The following RFTN1 variants were observed in gnomAD, a reference collection of about 807,000 sequenced individuals.
RFTN1 encodes the protein raftlin.
RFTN1 carries 26 observed loss-of-function variants against 46.5 expected under a neutral mutation model. The observed-to-expected ratio is 0.56, with a 90% confidence interval of 0.41 to 0.78. The LOEUF is 0.78. Ranked by LOEUF, RFTN1 falls within the 30% of genes least tolerant of loss-of-function variation. The pLI is 0.00. For missense variants in RFTN1, 693 were observed against 718.7 expected, an observed-to-expected ratio of 0.96 and a Z score of 0.41; for synonymous variants, 261 against 284.2, an observed-to-expected ratio of 0.92 and a Z score of 0.82.
rs1240574693 is a variant in RFTN1 at position 16,443,656 on chromosome 3, C to CG, written c.146-9620_146-9619insC. 6.6e-6 allele frequency among the ~76,000 whole-genome samples: 1 copy of CG among 152,064 alleles called. No individual in the cohort carries two copies. The highest frequency in any genetic ancestry group is 1.5e-5 in the Non-Finnish European group (1 of 68,018). ...GGACCACAAATGACTGTTAAAGCAT[C>CG]AGGCTGTCGTGACAATGGGAGCGGG... On this transcript the variant is annotated intron_variant, in intron 2 of 9. Coordinates refer to ENST00000334133, the MANE Select transcript of RFTN1 (RefSeq NM_015150.2). The surrounding 1 kb of genome is among the most constrained non-coding windows in gnomAD (Gnocchi z 5.5).
intron 2 of RFTN1, among the ~76,000 whole-genome samples, chr3:16,486,141 A>G (rs994647465): frequency 6.6e-6 from 1 of 151,234 alleles, no homozygotes; most frequent in East Asian, 2.0e-4. Flanking sequence ...CCCTAGGACC[A>G]CCTCCTAATT....
rs6442605 is a variant in RFTN1 at position 16,449,797 on chromosome 3, T to C, written c.146-15760A>G. 0.19 allele frequency among the ~76,000 whole-genome samples: 29,188 copies of C among 152,126 alleles called. 3,208 individuals are homozygous for C. Among genetic ancestry groups the C allele is most frequent in the African/African-American group, 0.27 (11,336 of 41,498 alleles). ...CATGCTGACAGACTGCTGCCTCTGA[T>C]TTGCACTGAACTCCACTACAGGCTG... On this transcript the variant is annotated intron_variant, in intron 2 of 9. Transcript: ENST00000334133. The surrounding 1 kb of genome is among the most constrained non-coding windows in gnomAD (Gnocchi z 5.1).
rs578010419 is a variant in RFTN1, at chr3:16,498,224, A to T, written c.-8-4347T>A. Among the ~76,000 whole-genome samples, 1 of 152,344 alleles carries T rather than the reference A, an allele frequency of 6.6e-6. No homozygotes were observed. Among genetic ancestry groups the T allele is most frequent in the Non-Finnish European group, 1.5e-5 (1 of 68,036 alleles). Reference sequence around the variant, plus strand: ...CGACTGCAACTTAGTTTAGTAGGTAAACTATATAAAAGCCTAACTTAGGAT... The same window carrying T: ...CGACTGCAACTTAGTTTAGTAGGTATACTATATAAAAGCCTAACTTAGGAT... On this transcript the variant is annotated intron_variant, in intron 1 of 9. Coordinates refer to ENST00000334133, the MANE Select transcript of RFTN1 (RefSeq NM_015150.2). This position sits in a 1 kb window ranked among gnomAD's most constrained non-coding sequence, Gnocchi z 5.2.
Position 16,513,064 on chromosome 3 carries a change from G to A in RFTN1, c.-9+378C>T, listed in dbSNP as rs1297621529. 6.6e-6 allele frequency: 1 copy of A among 152,546 alleles called. No homozygotes were observed. The highest frequency in any genetic ancestry group is 6.5e-5 in the Admixed American group (1 of 15,276). 9.4% of individuals were successfully genotyped at this position (152,546 alleles called of 1,614,324 possible). A position where few individuals can be genotyped will look rare whatever the true frequency, so the allele number is the denominator to read the frequency against. ...AGGACCCCAGCGGCAGTGTGTCCTG[G>A]ACCCACCTGTAGCCTCCAAGCTCCC... On this transcript the variant is annotated intron_variant, in intron 1 of 9. Coordinates refer to ENST00000334133, the MANE Select transcript of RFTN1 (RefSeq NM_015150.2). The surrounding 1 kb of genome is among the most constrained non-coding windows in gnomAD (Gnocchi z 5.4).
rs1421368691 is a variant in RFTN1 at position 16,327,270 on chromosome 3, G to C, written c.1147-394C>G. ...ATGAGTTCAGAGCGTGTTGTGGGGA[G>C]TTAACTTACATTTGACAAATGATCA... On this transcript the variant is annotated intron_variant, in intron 7 of 9. Coordinates refer to ENST00000334133, the MANE Select transcript of RFTN1 (RefSeq NM_015150.2). The surrounding 1 kb of genome is among the most constrained non-coding windows in gnomAD (Gnocchi z 4.2). 6.6e-6 allele frequency among the ~76,000 whole-genome samples: 1 copy of C among 152,180 alleles called. No homozygotes were observed. The highest frequency in any genetic ancestry group is 2.4e-5 in the African/African-American group (1 of 41,448).
In RFTN1 at chr3:16,493,864, A is replaced by C; in HGVS notation, c.6T>G (p.Gly2=). Reference sequence around the variant, plus strand: ...GTTTCTCTAACTTGTTCAATCCGCAACCCATTTCAGCAGCTGCTGGCCAAA... The same window carrying C: ...GTTTCTCTAACTTGTTCAATCCGCACCCCATTTCAGCAGCTGCTGGCCAAA... M[G]CGLNKLEKRD... Residue 2 remains glycine (G), a synonymous_variant, in exon 2 of 10, where the codon GGT becomes GGG. Transcript: ENST00000334133. The C allele has an allele frequency of 6.2e-7, 1 of 1,614,014 alleles. No homozygotes were observed. The highest frequency in any genetic ancestry group is 2.2e-5 in the East Asian group (1 of 44,870).
At chr3:16,490,536 A>T (rs965835246) in intron 2 of RFTN1, among the ~76,000 whole-genome samples, 1 of 152,138 alleles carries the variant, frequency 6.6e-6, no homozygotes, top group Non-Finnish European at 1.5e-5. Flanking sequence ...ATCCAGGGGA[A>T]CCCCCTAAAG....
At chr3:16,456,747 T>A (rs1426863028) in intron 2 of RFTN1, among the ~76,000 whole-genome samples, 3 of 152,208 alleles carry the variant, frequency 2.0e-5, no homozygotes, top group South Asian at 2.1e-4. Flanking sequence ...TCATGGGTCG[T>A]GTAGCCACAG....
chr3:16,394,890 TAA>T (rs2074432881), intron 4 of RFTN1, among the ~76,000 whole-genome samples: 1 of 152,192 alleles, frequency 6.6e-6, no homozygotes, highest in Admixed American at 6.5e-5. Flanking sequence ...TTATGAATTT[TAA>T]AAGTGCTGAA....
chr3:16,317,651 C>T lies in RFTN1; in HGVS notation c.1333-419G>A, dbSNP rs1012071846. Among the ~76,000 whole-genome samples the T allele has an allele frequency of 4.6e-5, 7 of 152,160 alleles. No homozygotes were observed. The highest frequency in any genetic ancestry group is 2.6e-4 in the Admixed American group (4 of 15,274). ...TGAGCAGGCTGAGGATTACCAGGCA[C>T]GGGGCTGGCATTCTCTCACTAGGTC... On this transcript the variant is annotated intron_variant, in intron 9 of 9. Coordinates refer to ENST00000334133, the MANE Select transcript of RFTN1 (RefSeq NM_015150.2). This position sits in a 1 kb window ranked among gnomAD's most constrained non-coding sequence, Gnocchi z 4.3.
intron 3 of RFTN1, among the ~76,000 whole-genome samples, chr3:16,415,908 T>A (rs2075070052): frequency 6.6e-6 from 1 of 152,176 alleles, no homozygotes; most frequent in African/African-American, 2.4e-5. Flanking sequence ...AATCTGTTTA[T>A]CTGTTTATAT....
In RFTN1 at chr3:16,317,795, C is replaced by A. The variant is rs1329247796; in HGVS notation, c.1333-563G>T. 6.6e-6 allele frequency among the ~76,000 whole-genome samples: 1 copy of A among 151,678 alleles called. No individual in the cohort carries two copies. Among genetic ancestry groups the A allele is most frequent in the African/African-American group, 2.4e-5 (1 of 40,992 alleles). On this transcript the variant is annotated intron_variant, in intron 9 of 9. Transcript: ENST00000334133. The surrounding 1 kb of genome is among the most constrained non-coding windows in gnomAD (Gnocchi z 4.3). ...GCCGATAGCCCTTTGCTGACCACCA[C>A]CTCACAGAAGGGTCACACCAGGGCA...
chr3:16,454,848 A>G, intron 2 of RFTN1: 1 of 905,622 alleles, frequency 1.1e-6, no homozygotes, highest in Non-Finnish European at 1.3e-6. Context: ...TCTCCTCACA[A>G]CTAGCTTTTT....
rs954142645 is a variant in RFTN1 at position 16,426,768 on chromosome 3, C to A, written c.332+7083G>T. Among the ~76,000 whole-genome samples the A allele has an allele frequency of 6.6e-6, 1 of 150,764 alleles. No individual in the cohort carries two copies. The highest frequency in any genetic ancestry group is 1.5e-5 in the Non-Finnish European group (1 of 67,830). ...GATATACTTTTGGTACTGATAAATACGTAAACCAAAGACAGATCTATCTCA... is the reference window on the plus strand; with the variant it reads ...GATATACTTTTGGTACTGATAAATAAGTAAACCAAAGACAGATCTATCTCA... On this transcript the variant is annotated intron_variant, in intron 3 of 9. Coordinates refer to ENST00000334133, the MANE Select transcript of RFTN1 (RefSeq NM_015150.2). The surrounding 1 kb of genome is among the most constrained non-coding windows in gnomAD (Gnocchi z 5.9).
rs984590833 is a variant in RFTN1 at position 16,400,665 on chromosome 3, G to A, written c.441+8710C>T. Among the ~76,000 whole-genome samples the A allele has an allele frequency of 2.6e-5, 4 of 152,172 alleles. No homozygotes were observed. The highest frequency in any genetic ancestry group is 7.2e-5 in the African/African-American group (3 of 41,418). ...AAGAAAGTATCTCCTTTTTTGGGGAGTGATTGAGACAAGCGTATGACCCCT... is the reference window on the plus strand; with the variant it reads ...AAGAAAGTATCTCCTTTTTTGGGGAATGATTGAGACAAGCGTATGACCCCT... On this transcript the variant is annotated intron_variant, in intron 4 of 9. Transcript: ENST00000334133. The surrounding 1 kb of genome is among the most constrained non-coding windows in gnomAD (Gnocchi z 4.5).
At position 16,345,823 on chromosome 3, in the gene RFTN1, C is replaced by CGTGTGTGT. The variant is rs2071656095; in HGVS notation, c.1146+12108_1146+12109insACACACAC. On this transcript the variant is annotated intron_variant, in intron 7 of 9. Coordinates refer to ENST00000334133, the MANE Select transcript of RFTN1 (RefSeq NM_015150.2). This position sits in a 1 kb window ranked among gnomAD's most constrained non-coding sequence, Gnocchi z 5.2. Reference sequence around the variant, plus strand: ...GTGTGTGTGTGTGTGTGTGTGCGCGCGCGCGTGCGCGCACGCGCACATGTG... The same window carrying CGTGTGTGT: ...GTGTGTGTGTGTGTGTGTGTGCGCGCGTGTGTGTGCGCGTGCGCGCACGCGCACATGTG... Among the ~76,000 whole-genome samples the CGTGTGTGT allele has an allele frequency of 1.5e-4, 13 of 86,896 alleles. No individual in the cohort carries two copies. Among genetic ancestry groups the CGTGTGTGT allele is most frequent in the African/African-American group, 5.5e-4 (13 of 23,676 alleles). 57.0% of individuals were successfully genotyped at this position (86,896 alleles called of 152,430 possible). A position where few individuals can be genotyped will look rare whatever the true frequency, so the allele number is the denominator to read the frequency against.
chr3:16,366,778 G>A (rs1305211672), intron 6 of RFTN1, among the ~76,000 whole-genome samples: 1 of 152,204 alleles, frequency 6.6e-6, no homozygotes, highest in Non-Finnish European at 1.5e-5. Context: ...TTGAATTACT[G>A]AGACCAGCAC....
In RFTN1 at chr3:16,513,674, A is replaced by G. The variant is rs1288037898; in HGVS notation, c.-241T>C. On this transcript the variant is annotated 5_prime_UTR_variant, in exon 1 of 10. Transcript: ENST00000334133. This position sits in a 1 kb window ranked among gnomAD's most constrained non-coding sequence, Gnocchi z 5.4. ...CGCCGCGCTCTCGCTCGCTGCGCCC[A>G]GCGCCCGGCGCGCTCCGGCTCCAGC... The G allele has an allele frequency of 6.7e-6, 1 of 149,852 alleles. No individual in the cohort carries two copies. The highest frequency in any genetic ancestry group is 1.5e-5 in the Non-Finnish European group (1 of 67,102). 9.3% of individuals were successfully genotyped at this position (149,852 alleles called of 1,614,324 possible). A position where few individuals can be genotyped will look rare whatever the true frequency, so the allele number is the denominator to read the frequency against.
At chr3:16,347,657 T>C (rs2071822282) in intron 7 of RFTN1, 3 of 152,202 alleles carry the variant, frequency 2.0e-5, no homozygotes, top group African/African-American at 7.2e-5. Context: ...ACCTCCTCTC[T>C]GGAAGGAGCT....
Sources: allele counts gnomAD v4.1 joint callset (sites outside exome capture counted in the v4.1 genomes callset), GRCh38; gene constraint gnomAD v4.1.1; non-coding constraint Gnocchi (gnomAD v3.1); transcripts MANE v1.5; gene names NCBI Gene and HGNC (gene_info 2026-07-23, HGNC 2026-07-21).